Variants in MCU observed in about 807,000 individuals in gnomAD.
MCU encodes the protein calcium uniporter protein, mitochondrial.
Under a neutral mutation model 45.2 loss-of-function variants are expected in MCU, and 12 were observed. The observed-to-expected ratio is 0.27, with a 90% CI of 0.17 to 0.43. The LOEUF (loss-of-function observed/expected upper bound fraction) is 0.43. Ranked by LOEUF, MCU falls within the 20% of genes least tolerant of loss-of-function variation. The probability of loss-of-function intolerance (pLI) is 1.00; values close to 1 mark genes in which losing one functional copy is unlikely to be tolerated. For synonymous variants in MCU, 160 were observed against 165.1 expected (o/e 0.97, Z 0.24); for missense variants, 324 against 436.7 (o/e 0.74, Z 2.30).
intron 2 of MCU, among the ~76,000 whole-genome samples, chr10:72,856,937 A>G (rs1589498781): frequency 3.2e-4 from 1 of 3,084 alleles, no homozygotes; most frequent in Non-Finnish European, 7.8e-4. Context: ...AAGATGTCTC[A>G]AAAAAAAAAA....
intron 2 of MCU, among the ~76,000 whole-genome samples, chr10:72,852,046 A>G (rs1845214695): frequency 6.6e-6 from 1 of 152,186 alleles, no homozygotes; most frequent in Admixed American, 6.5e-5. Context: ...TCTATCTCGT[A>G]TTTCAATTCA....
At chr10:72,797,231 AT>A (rs71021532) in intron 1 of MCU, among the ~76,000 whole-genome samples, 3,234 of 147,060 alleles carry the variant, frequency 0.022, 117 homozygotes, top group African/African-American at 0.074. Flanking sequence ...ATTTTATTTT[AT>A]TTTTTTTTTA....
intron 1 of MCU, among the ~76,000 whole-genome samples, chr10:72,789,062 A>C (rs1844119046): frequency 6.6e-6 from 1 of 151,992 alleles, no homozygotes; most frequent in African/African-American, 2.4e-5. Flanking sequence ...TGCTTTCTAG[A>C]ATGATTGTGT....
chr10:72,875,053 G>A (rs531146679), intron 6 of MCU, among the ~76,000 whole-genome samples: 35 of 151,944 alleles, frequency 2.3e-4, no homozygotes, highest in African/African-American at 4.6e-4. Flanking sequence ...TTAATATATC[G>A]CCATTCCATA....
At chr10:72,840,572 C>T (rs1845033067) in intron 2 of MCU, among the ~76,000 whole-genome samples, 1 of 152,036 alleles carries the variant, frequency 6.6e-6, no homozygotes, top group South Asian at 2.1e-4. Flanking sequence ...CATACCCAAC[C>T]ACTATACCCC....
At chr10:72,777,982 A>G (rs529540246) in intron 1 of MCU, among the ~76,000 whole-genome samples, 24 of 152,340 alleles carry the variant, frequency 1.6e-4, no homozygotes, top group Non-Finnish European at 3.2e-4. Context: ...ATGAGATATC[A>G]TTTCATCCCA....
intron 1 of MCU, among the ~76,000 whole-genome samples, chr10:72,711,306 C>G (rs1214217841): frequency 1.3e-5 from 2 of 150,938 alleles, no homozygotes; most frequent in Non-Finnish European, 3.0e-5. Context: ...CTGCGATCTC[C>G]ACTTCCTGGG....
intron 2 of MCU, among the ~76,000 whole-genome samples, chr10:72,841,353 G>A (rs902053093): frequency 2.0e-5 from 3 of 151,922 alleles, no homozygotes; most frequent in African/African-American, 7.3e-5. Flanking sequence ...CCAGGCTGAA[G>A]TGCAATGGCA....
chr10:72,732,308 T>G (rs1390749732), intron 1 of MCU, among the ~76,000 whole-genome samples: 1 of 152,242 alleles, frequency 6.6e-6, no homozygotes, highest in Non-Finnish European at 1.5e-5. Context: ...TAAGCTCCTT[T>G]TTAGTTCATT....
intron 1 of MCU, among the ~76,000 whole-genome samples, chr10:72,703,890 AAAC>A (rs143749981): frequency 0.66 from 99,584 of 150,792 alleles, 34,773 homozygotes; most frequent in African/African-American, 0.83. Flanking sequence ...CTCTGTCTCA[AAAC>A]AACAACAACA....
At chr10:72,786,515 C>T (rs1261855102) in intron 1 of MCU, among the ~76,000 whole-genome samples, 3 of 152,006 alleles carry the variant, frequency 2.0e-5, no homozygotes, top group East Asian at 3.9e-4. Context: ...GAGGCTGAGG[C>T]GGGCAGATCA....
At chr10:72,855,787 C>T (rs1411088314) in intron 2 of MCU, among the ~76,000 whole-genome samples, 1 of 152,092 alleles carries the variant, frequency 6.6e-6, no homozygotes, top group African/African-American at 2.4e-5. Context: ...AATATACATA[C>T]TTTAATTAAA....
intron 1 of MCU, among the ~76,000 whole-genome samples, chr10:72,778,946 GA>G (rs1843944061): frequency 6.6e-6 from 1 of 152,094 alleles, no homozygotes; most frequent in Admixed American, 6.6e-5. Flanking sequence ...CTATGGAATA[GA>G]ATCGAGAATT....
At chr10:72,864,075 A>G (rs1398775517) in intron 4 of MCU, among the ~76,000 whole-genome samples, 2 of 152,238 alleles carry the variant, frequency 1.3e-5, no homozygotes, top group Non-Finnish European at 2.9e-5. Flanking sequence ...TAATATCTGC[A>G]TAAAATTGAC....
intron 1 of MCU, among the ~76,000 whole-genome samples, chr10:72,825,162 G>T (rs1220782763): frequency 6.6e-6 from 1 of 152,054 alleles, no homozygotes; most frequent in Non-Finnish European, 1.5e-5. Context: ...ATACAACAGG[G>T]CACAATTGGG....
In MCU at chr10:72,728,383, G is replaced by T. The variant is rs1045080532; in HGVS notation, c.150+36082G>T. 1.4e-4 allele frequency among the ~76,000 whole-genome samples: 21 copies of T among 152,170 alleles called. 1 individual carries two copies. Among genetic ancestry groups the T allele is most frequent in the Admixed American group, 1.4e-3 (21 of 15,278 alleles). On this transcript the variant is annotated intron_variant, in intron 1 of 7. Transcript: ENST00000373053. ...AAAGGTACTGAATAGTTAACTAGTT[G>T]ATTATTAATAAACTATGGGAAATTT... is the stretch of plus-strand genomic sequence containing the variant.
chr10:72,833,034 A>C (rs1844902857), intron 1 of MCU, among the ~76,000 whole-genome samples: 1 of 151,988 alleles, frequency 6.6e-6, no homozygotes. Context: ...TCTTAAAGAA[A>C]AGTAATAAGG....
chr10:72,811,019 C>T (rs1308558224), intron 1 of MCU, among the ~76,000 whole-genome samples: 3 of 152,128 alleles, frequency 2.0e-5, no homozygotes, highest in African/African-American at 4.8e-5. Context: ...TTGGTTATAT[C>T]CAGTAAGAAA....
At chr10:72,804,034 AT>A in intron 1 of MCU, among the ~76,000 whole-genome samples, 1 of 56,754 alleles carries the variant, frequency 1.8e-5, no homozygotes, top group Non-Finnish European at 3.0e-5. Context: ...ATATATATAT[AT>A]ATATATATAT....
Sources: gnomAD v4.1 joint callset for allele counts (sites outside exome capture counted in the v4.1 genomes callset) on GRCh38, gnomAD v4.1.1 for gene constraint, MANE v1.5 for transcripts, NCBI Gene and HGNC (gene_info 2026-07-23, HGNC 2026-07-21) for gene names.